The following OSBPL9 variants were observed in gnomAD, a reference collection of about 807,000 sequenced individuals.
The protein encoded by OSBPL9 is oxysterol-binding protein-related protein 9.
In OSBPL9, 40 loss-of-function variants were observed where a neutral mutation model predicts 106.6. That is an observed-to-expected ratio of 0.38 (90% CI 0.29 to 0.49). The LOEUF (loss-of-function observed/expected upper bound fraction) is 0.49. Ranked by LOEUF, OSBPL9 falls within the 20% of genes least tolerant of loss-of-function variation. OSBPL9 has a pLI of 0.97. For missense variants in OSBPL9, 609 were observed against 887.2 expected (o/e 0.69, Z 3.98); for synonymous variants, 269 against 295.4 (o/e 0.91, Z 0.92).
chr1:51,772,215 C>A, intron 13 of OSBPL9, 33 bp downstream of exon 13: 1 of 1,548,000 alleles, frequency 6.5e-7, no homozygotes, highest in Non-Finnish European at 8.8e-7. Context: ...ACTTTTTTTT[C>A]TTTAAAAATA....
chr1:51,784,922 C>T (rs1443757387), intron 20 of OSBPL9: 2 of 280,446 alleles, frequency 7.1e-6, no homozygotes, highest in Non-Finnish European at 1.3e-5. Context: ...TTACAGCAGA[C>T]TTTGTGACCC....
chr1:51,686,053 G>A (rs989992753), intron 3 of OSBPL9, among the ~76,000 whole-genome samples: 2 of 152,122 alleles, frequency 1.3e-5, no homozygotes, highest in Non-Finnish European at 2.9e-5. Context: ...TAAATCAAGT[G>A]GAGATGGGTG....
intron 3 of OSBPL9, among the ~76,000 whole-genome samples, chr1:51,699,993 C>T (rs1307174678): frequency 1.3e-5 from 2 of 152,114 alleles, no homozygotes; most frequent in African/African-American, 2.4e-5. Flanking sequence ...TGTTTTTTCC[C>T]TTACCATATT....
intron 3 of OSBPL9, among the ~76,000 whole-genome samples, chr1:51,688,052 G>A (rs1006907170): frequency 3.3e-5 from 5 of 152,128 alleles, no homozygotes; most frequent in African/African-American, 1.2e-4. Context: ...ATGACTATTC[G>A]AAGTATAAAA....
intron 4 of OSBPL9, among the ~76,000 whole-genome samples, chr1:51,728,651 T>C (rs1663583715): frequency 6.6e-6 from 1 of 152,132 alleles, no homozygotes; most frequent in Non-Finnish European, 1.5e-5. Context: ...ACTGAAGGTA[T>C]CTTTAACACT....
the OSBPL9 span, among the ~76,000 whole-genome samples, chr1:51,520,608 G>A: frequency 3.3e-5 from 5 of 152,266 alleles, no homozygotes; most frequent in South Asian, 2.1e-4. Context: ...TCTTAGTCAC[G>A]ATGGCTTCCC....
intron 20 of OSBPL9, 83 bp from the exon 21 acceptor site, chr1:51,785,725 C>CTCT: frequency 8.4e-7 from 1 of 1,189,770 alleles, no homozygotes; most frequent in Non-Finnish European, 1.2e-6. Context: ...CTGTGCTCTA[C>CTCT]TCTGTAGTTG....
the OSBPL9 span, chr1:51,567,446 G>A: frequency 2.0e-5 from 3 of 152,100 alleles, no homozygotes; most frequent in Non-Finnish European, 4.4e-5. Flanking sequence ...ATGATAAACT[G>A]ACTACCCATC....
chr1:51,679,991 A>G (rs999099087), intron 3 of OSBPL9, among the ~76,000 whole-genome samples: 4 of 152,170 alleles, frequency 2.6e-5, no homozygotes, highest in Non-Finnish European at 5.9e-5. Flanking sequence ...GGGTCTTCCT[A>G]TGATAAAGGG....
intron 4 of OSBPL9, among the ~76,000 whole-genome samples, chr1:51,735,695 G>C (rs573439091): frequency 2.0e-5 from 3 of 152,366 alleles, no homozygotes; most frequent in African/African-American, 7.2e-5. Context: ...CATAAGAGAT[G>C]CTCAGTGAAT....
intron 4 of OSBPL9, among the ~76,000 whole-genome samples, chr1:51,723,748 T>G (rs1396798852): frequency 6.6e-6 from 1 of 152,220 alleles, no homozygotes; most frequent in Non-Finnish European, 1.5e-5. Context: ...GCCTATTCAT[T>G]CACCTACTGA....
the OSBPL9 span, among the ~76,000 whole-genome samples, chr1:51,556,687 G>A: frequency 6.6e-6 from 1 of 152,032 alleles, no homozygotes; most frequent in South Asian, 2.1e-4. Context: ...TTGGGAGGCT[G>A]AGGCAGGAGA....
At chr1:51,707,198 T>G in intron 3 of OSBPL9, 1 of 384,510 alleles carries the variant, frequency 2.6e-6, no homozygotes, top group South Asian at 2.0e-5. Context: ...CAGATTCATT[T>G]TCATTGTCAT....
intron 1 of OSBPL9, among the ~76,000 whole-genome samples, chr1:51,634,772 A>G (rs1645318219): frequency 6.6e-6 from 1 of 152,180 alleles, no homozygotes; most frequent in African/African-American, 2.4e-5. Flanking sequence ...ATAAAGAAAA[A>G]GAGGTTTAAT....
the OSBPL9 span, among the ~76,000 whole-genome samples, chr1:51,533,485 CA>C: frequency 8.3e-3 from 449 of 54,404 alleles, no homozygotes; most frequent in African/African-American, 0.018. Context: ...GACTCTGTCT[CA>C]AAAAAAAAAA....
intron 9 of OSBPL9, chr1:51,759,439 TA>T (rs1433677106): frequency 2.6e-5 from 4 of 152,154 alleles, no homozygotes; most frequent in Admixed American, 6.6e-5. Flanking sequence ...TTTCTATTAT[TA>T]GGTGATTTTA....
rs1678337381 is a variant in OSBPL9 at position 51,788,850 on chromosome 1, C to CGCT, written c.*1061_*1062insGCT. On this transcript the variant is annotated 3_prime_UTR_variant, in exon 24 of 24. Coordinates refer to ENST00000428468, the MANE Select transcript of OSBPL9 (RefSeq NM_024586.6). The stretch of plus-strand genomic sequence containing the variant: ...GAAATACAGAACTATATCTATCTAT[C>CGCT]TATCTATCATCTTTTTTATTTAAAA... 6.6e-6 allele frequency among the ~76,000 whole-genome samples: 1 copy of CGCT among 151,930 alleles called. No homozygotes were observed. Among genetic ancestry groups the CGCT allele is most frequent in the South Asian group, 2.1e-4 (1 of 4,810 alleles).
intron 1 of OSBPL9, 26 bp downstream of exon 1, chr1:51,617,247 A>G: frequency 6.3e-7 from 1 of 1,577,998 alleles, no homozygotes; most frequent in Non-Finnish European, 8.6e-7. Context: ...GCACAGCTCC[A>G]GGCGCCTCGG....
At chr1:51,601,658 C>T (rs1557581232) in intron 2 of OSBPL9, among the ~76,000 whole-genome samples, 1 of 152,246 alleles carries the variant, frequency 6.6e-6, no homozygotes, top group Non-Finnish European at 1.5e-5. Context: ...GCATTAGTTT[C>T]TTCTCCCTGA....
Sources: allele counts gnomAD v4.1 joint callset (sites outside exome capture counted in the v4.1 genomes callset), GRCh38; gene constraint gnomAD v4.1.1; transcripts MANE v1.5; gene names NCBI Gene and HGNC (gene_info 2026-07-23, HGNC 2026-07-21).